The following JADE1 variants were observed in gnomAD, a reference collection of about 807,000 sequenced individuals.
JADE1 encodes protein Jade-1.
A neutral mutation model predicts 81.8 loss-of-function variants in JADE1; 14 were observed. The ratio of observed to expected loss-of-function variants is 0.17; its 90% CI spans 0.11 to 0.27. The LOEUF (loss-of-function observed/expected upper bound fraction) is 0.27. Among genes scored for constraint, JADE1 ranks in the 10% least tolerant of loss-of-function variants. JADE1 has a pLI of 1.00. For synonymous variants in JADE1, 353 were observed against 391.9 expected (o/e 0.90, Z 1.17); for missense variants, 690 against 1,047.9 (o/e 0.66, Z 4.71).
intron 7 of JADE1, among the ~76,000 whole-genome samples, chr4:128,856,031 C>G (rs1044417942): frequency 2.6e-5 from 4 of 152,062 alleles, no homozygotes; most frequent in Admixed American, 2.6e-4. Context: ...GTTGACCTGG[C>G]TGGTCTCAAA....
At chr4:128,859,749 G>T (rs962961126) in intron 8 of JADE1, among the ~76,000 whole-genome samples, 3 of 152,142 alleles carry the variant, frequency 2.0e-5, no homozygotes, top group African/African-American at 7.2e-5. Context: ...TGGGCGAATG[G>T]GATCTTTGTT....
intron 1 of JADE1, among the ~76,000 whole-genome samples, chr4:128,828,696 GTTCT>G (rs1728273583): frequency 6.6e-6 from 1 of 152,124 alleles, no homozygotes; most frequent in Non-Finnish European, 1.5e-5. Context: ...CAATGCTTGC[GTTCT>G]TTATTTAGTG....
At chr4:128,845,232 G>A (rs1332427552) in intron 3 of JADE1, among the ~76,000 whole-genome samples, 1 of 152,196 alleles carries the variant, frequency 6.6e-6, no homozygotes, top group African/African-American at 2.4e-5. Flanking sequence ...ACTGACCAAG[G>A]ATGAATGCCA....
intron 7 of JADE1, among the ~76,000 whole-genome samples, chr4:128,856,695 A>G (rs140917716): frequency 6.6e-6 from 1 of 152,258 alleles, no homozygotes; most frequent in East Asian, 1.9e-4. Context: ...AAATTCCAGC[A>G]TGTTTTGGGT....
chr4:128,817,382 G>A (rs963734145), intron 1 of JADE1, among the ~76,000 whole-genome samples: 1 of 152,082 alleles, frequency 6.6e-6, no homozygotes, highest in Admixed American at 6.6e-5. Flanking sequence ...TCCTGTGCAG[G>A]AGATTTTATT....
intron 2 of JADE1, among the ~76,000 whole-genome samples, chr4:128,832,512 A>G (rs1032546071): frequency 3.3e-5 from 5 of 152,242 alleles, no homozygotes; most frequent in Admixed American, 1.3e-4. Context: ...TATGTTTTAC[A>G]TTACAAATTA....
intron 7 of JADE1, among the ~76,000 whole-genome samples, chr4:128,856,094 C>T (rs950855423): frequency 2.0e-5 from 3 of 152,316 alleles, no homozygotes; most frequent in African/African-American, 2.4e-5. Context: ...GTTGGGATTA[C>T]AAGCGTGAGC....
At chr4:128,859,824 TTAATC>T (rs1276484715) in intron 8 of JADE1, among the ~76,000 whole-genome samples, 3 of 152,216 alleles carry the variant, frequency 2.0e-5, no homozygotes, top group African/African-American at 7.2e-5. Context: ...TCCCAGAACA[TTAATC>T]TAAAGAAGAG....
At chr4:128,851,393 G>A (rs1730342197) in intron 5 of JADE1, among the ~76,000 whole-genome samples, 1 of 152,158 alleles carries the variant, frequency 6.6e-6, no homozygotes, top group South Asian at 2.1e-4. Flanking sequence ...ACCATTATAT[G>A]AAGTCATGGT....
Position 128,872,287 on chromosome 4 carries a change from C to T in JADE1, c.*25C>T. On this transcript the variant is annotated 3_prime_UTR_variant, in exon 11 of 11. Transcript: ENST00000226319. ...ATGCAACAGAGATGATGCGGAAGCCCTTTGGGCTCGTCATTGGGTTTGCTA... is the reference window on the plus strand; with the variant it reads ...ATGCAACAGAGATGATGCGGAAGCCTTTTGGGCTCGTCATTGGGTTTGCTA... 2.5e-6 allele frequency: 4 copies of T among 1,599,936 alleles called. No individual in the cohort carries two copies. The highest frequency in any genetic ancestry group is 1.7e-6 in the Non-Finnish European group (2 of 1,170,474).
In JADE1 at chr4:128,872,394, AT is replaced by A; in HGVS notation, c.*139del. 2 of 763,192 alleles carry A rather than the reference AT, an allele frequency of 2.6e-6. No homozygotes were observed. The highest frequency in any genetic ancestry group is 4.1e-6 in the Non-Finnish European group (2 of 486,922). 47.3% of individuals were successfully genotyped at this position (763,192 alleles called of 1,614,324 possible). On this transcript the variant is annotated 3_prime_UTR_variant, in exon 11 of 11. Coordinates refer to ENST00000226319, the MANE Select transcript of JADE1 (RefSeq NM_199320.4). ...ACACATTTACTTGCAATTCAGATTA[AT>A]TTTTTTCCAGAGTCATTTTTAAATC...
At chr4:128,819,297 G>C (rs61620977) in intron 1 of JADE1, among the ~76,000 whole-genome samples, 1,760 of 152,050 alleles carry the variant, frequency 0.012, 34 homozygotes, top group African/African-American at 0.037. Context: ...TGGGGGGCAG[G>C]CTCTCTCTGC....
intron 2 of JADE1, among the ~76,000 whole-genome samples, chr4:128,834,952 C>T (rs1275452687): frequency 6.6e-6 from 1 of 151,530 alleles, no homozygotes; most frequent in Non-Finnish European, 1.5e-5. Context: ...TGGAGACCAG[C>T]CTGGGCAACA....
At chr4:128,844,603 A>C (rs769143224) in intron 3 of JADE1, among the ~76,000 whole-genome samples, 3 of 152,032 alleles carry the variant, frequency 2.0e-5, no homozygotes, top group Non-Finnish European at 4.4e-5. Flanking sequence ...TGGCTCTTGA[A>C]GGTATAGGCC....
In JADE1 at chr4:128,867,763, G is replaced by A. The variant is rs1333504563; in HGVS notation, c.1504-93G>A. 1.8e-4 allele frequency: 122 copies of A among 683,010 alleles called. 1 individual carries two copies. In the Admixed American group the frequency reaches 3.0e-3, roughly 17 times the overall value. The allele number at this position is 683,010 out of a possible 1,614,324, so 42.3% of individuals were successfully genotyped here. A position where few individuals can be genotyped will look rare whatever the true frequency, so the allele number is the denominator to read the frequency against. On this transcript the variant is annotated intron_variant, in intron 9 of 10. Transcript: ENST00000226319. ...TCAAGTATCTGTCAAGGCCCTAGTAGGAGTAATTTCTCTTAGGTAAAGAAA... is the reference window on the plus strand; with the variant it reads ...TCAAGTATCTGTCAAGGCCCTAGTAAGAGTAATTTCTCTTAGGTAAAGAAA...
At chr4:128,821,303 A>G (rs1340139339) in intron 1 of JADE1, among the ~76,000 whole-genome samples, 1 of 152,318 alleles carries the variant, frequency 6.6e-6, no homozygotes, top group East Asian at 1.9e-4. Flanking sequence ...TGGTGATAGC[A>G]CTGTGTTAAG....
chr4:128,812,525 A>G lies in JADE1; in HGVS notation c.-27+2648A>G, dbSNP rs560856585. On this transcript the variant is annotated intron_variant, in intron 1 of 10. Coordinates refer to ENST00000226319, the MANE Select transcript of JADE1 (RefSeq NM_199320.4). ...CTCCCACTAGAGCTCCTTATTCTCG[A>G]GTCCTCAACCCCGGCTTGGCGCGTC... is the stretch of plus-strand genomic sequence containing the variant. 1.8e-4 allele frequency among the ~76,000 whole-genome samples: 27 copies of G among 152,028 alleles called. 1 individual carries two copies. In the South Asian group the frequency reaches 5.2e-3, roughly 29 times the overall value.
At position 128,874,775 on chromosome 4, in the gene JADE1, A is replaced by ATATC. The variant is rs1732451392; in HGVS notation, c.*2515_*2518dup. 1 of 152,642 alleles carries ATATC rather than the reference A, an allele frequency of 6.6e-6. No homozygotes were observed. The highest frequency in any genetic ancestry group is 1.5e-5 in the Non-Finnish European group (1 of 68,032). The allele number at this position is 152,642 out of a possible 1,614,324, so 9.5% of individuals were successfully genotyped here. A position where few individuals can be genotyped will look rare whatever the true frequency, so the allele number is the denominator to read the frequency against. On this transcript the variant is annotated 3_prime_UTR_variant, in exon 11 of 11. Coordinates refer to ENST00000226319, the MANE Select transcript of JADE1 (RefSeq NM_199320.4). ...TTTCCTTGTGCATCCTGACCAAGAA[A>ATATC]TATCTTTGATTATGATTAATGTATT...
chr4:128,825,556 GT>G (rs1727985239), intron 1 of JADE1, among the ~76,000 whole-genome samples: 1 of 152,126 alleles, frequency 6.6e-6, no homozygotes, highest in South Asian at 2.1e-4. Flanking sequence ...AAATTTCAAG[GT>G]TTTCAGGTGC....
Sources: gnomAD v4.1 joint callset for allele counts (sites outside exome capture counted in the v4.1 genomes callset) on GRCh38, gnomAD v4.1.1 for gene constraint, MANE v1.5 for transcripts, NCBI Gene and HGNC (gene_info 2026-07-23, HGNC 2026-07-21) for gene names.